The following TAFA4 variants were observed in gnomAD, a reference collection of about 807,000 sequenced individuals.
The protein encoded by TAFA4 is chemokine-like protein TAFA-4.
Under a neutral mutation model 21.1 loss-of-function variants are expected in TAFA4, and 20 were observed. The ratio of observed to expected loss-of-function variants is 0.95; its 90% CI spans 0.67 to 1.38. The LOEUF is 1.38. Ranked by LOEUF, TAFA4 falls within the 40% of genes most tolerant of loss-of-function variation. The pLI, the probability that TAFA4 is intolerant of heterozygous loss-of-function variation, is 0.00. For missense variants in TAFA4, 211 were observed against 180.9 expected (o/e 1.17, Z -0.95); for synonymous variants, 71 against 67.4 (o/e 1.05, Z -0.26).
intron 3 of TAFA4, among the ~76,000 whole-genome samples, chr3:68,875,133 T>A (rs2089531556): frequency 1.3e-5 from 2 of 151,944 alleles, no homozygotes; most frequent in Non-Finnish European, 2.9e-5. Context: ...GGGTGACAAC[T>A]CTCCTCAGCC....
intron 3 of TAFA4, among the ~76,000 whole-genome samples, chr3:68,796,889 C>G (rs1332460315): frequency 6.6e-6 from 1 of 152,164 alleles, no homozygotes; most frequent in Non-Finnish European, 1.5e-5. Context: ...AGATGCTCAA[C>G]ATCACTAATC....
intron 1 of TAFA4, among the ~76,000 whole-genome samples, chr3:68,927,323 A>G (rs2090117502): frequency 6.6e-6 from 1 of 152,236 alleles, no homozygotes; most frequent in Non-Finnish European, 1.5e-5. Flanking sequence ...CAAGAAATAA[A>G]ACTACTAATT....
intron 3 of TAFA4, among the ~76,000 whole-genome samples, chr3:68,797,318 A>G (rs1290661062): frequency 1.3e-5 from 2 of 152,146 alleles, no homozygotes; most frequent in African/African-American, 4.8e-5. Flanking sequence ...ATTCAGGCTT[A>G]AAAAGGAAGA....
At chr3:68,737,745 T>C (rs902286204) in intron 5 of TAFA4, among the ~76,000 whole-genome samples, 1 of 152,198 alleles carries the variant, frequency 6.6e-6, no homozygotes, top group African/African-American at 2.4e-5. Flanking sequence ...TGGCTGAAGA[T>C]GAATTACTAA....
At chr3:68,811,916 G>T (rs1379657633) in intron 3 of TAFA4, among the ~76,000 whole-genome samples, 1 of 152,116 alleles carries the variant, frequency 6.6e-6, no homozygotes, top group Non-Finnish European at 1.5e-5. Context: ...GTTAAGGGCA[G>T]CCAGAGAGAA....
At chr3:68,865,193 C>T (rs1051557607) in intron 3 of TAFA4, among the ~76,000 whole-genome samples, 2 of 152,098 alleles carry the variant, frequency 1.3e-5, no homozygotes, top group African/African-American at 4.8e-5. Context: ...TGGCTTCATT[C>T]TACTCCACAA....
chr3:68,804,835 A>C lies in TAFA4; in HGVS notation c.131-51817T>G, dbSNP rs537284789. On this transcript the variant is annotated intron_variant, in intron 3 of 5. Transcript: ENST00000295569. ...GATTAAAGACTTACATGTTAGACCT[A>C]AAACCATAAAAACCCTGGAAGAAAA... 1.2e-3 allele frequency among the ~76,000 whole-genome samples: 185 copies of C among 152,340 alleles called. 2 individuals are homozygous for C. The highest frequency in any genetic ancestry group is 4.4e-3 in the African/African-American group (183 of 41,572).
intron 3 of TAFA4, among the ~76,000 whole-genome samples, chr3:68,754,283 T>C (rs1056390219): frequency 1.3e-5 from 2 of 152,234 alleles, no homozygotes. Context: ...ATAGCTATTT[T>C]CCCCCTGATC....
chr3:68,792,814 A>G (rs1703387467), intron 3 of TAFA4, among the ~76,000 whole-genome samples: 1 of 152,222 alleles, frequency 6.6e-6, no homozygotes, highest in Non-Finnish European at 1.5e-5. Flanking sequence ...TTCTGAAGAT[A>G]GAAACAACTT....
rs1031553695 is a variant in TAFA4 at position 68,832,600 on chromosome 3, C to T, written c.130+48130G>A. 2.6e-5 allele frequency among the ~76,000 whole-genome samples: 4 copies of T among 152,176 alleles called. No individual in the cohort carries two copies. In the South Asian group the frequency reaches 8.3e-4, roughly 32 times the overall value. On this transcript the variant is annotated intron_variant, in intron 3 of 5. Transcript: ENST00000295569. ...CCCACCTGTATGAGGATCTGTCAGCCCCTATTGGGAGGTGTCTCCCAGTCA... is the reference window on the plus strand; with the variant it reads ...CCCACCTGTATGAGGATCTGTCAGCTCCTATTGGGAGGTGTCTCCCAGTCA...
At chr3:68,871,943 A>G (rs2089487547) in intron 3 of TAFA4, among the ~76,000 whole-genome samples, 1 of 152,124 alleles carries the variant, frequency 6.6e-6, no homozygotes, top group African/African-American at 2.4e-5. Context: ...ACACTCATAC[A>G]TCATTGGGGG....
chr3:68,818,111 A>G (rs1194308795), intron 3 of TAFA4, among the ~76,000 whole-genome samples: 1 of 152,278 alleles, frequency 6.6e-6, no homozygotes, highest in Non-Finnish European at 1.5e-5. Flanking sequence ...TCTTAGCTAG[A>G]TCTTCTGGAT....
At chr3:68,901,006 CT>C (rs1559557983) in intron 1 of TAFA4, among the ~76,000 whole-genome samples, 1 of 152,212 alleles carries the variant, frequency 6.6e-6, no homozygotes, top group Non-Finnish European at 1.5e-5. Context: ...GCCAAGGGAA[CT>C]TTCCTCTTCC....
At chr3:68,859,810 G>T (rs2089307457) in intron 3 of TAFA4, among the ~76,000 whole-genome samples, 1 of 152,074 alleles carries the variant, frequency 6.6e-6, no homozygotes, top group African/African-American at 2.4e-5. Flanking sequence ...CACAAATAAT[G>T]AATATCCACC....
chr3:68,736,207 G>A (rs1461213368), intron 5 of TAFA4, among the ~76,000 whole-genome samples: 1 of 151,740 alleles, frequency 6.6e-6, no homozygotes, highest in Non-Finnish European at 1.5e-5. Flanking sequence ...GGCAACCCCA[G>A]ATAGTAAAAA....
At chr3:68,791,352 A>C (rs1703357696) in intron 3 of TAFA4, among the ~76,000 whole-genome samples, 1 of 152,136 alleles carries the variant, frequency 6.6e-6, no homozygotes. Flanking sequence ...ATGACAATGG[A>C]GGCCGAGATT....
intron 4 of TAFA4, among the ~76,000 whole-genome samples, chr3:68,739,505 A>T (rs1263459546): frequency 6.6e-6 from 1 of 152,220 alleles, no homozygotes; most frequent in Non-Finnish European, 1.5e-5. Flanking sequence ...AGAACTAAAA[A>T]TCAACCACTG....
At chr3:68,898,198 G>T (rs886935308) in intron 1 of TAFA4, among the ~76,000 whole-genome samples, 2 of 152,186 alleles carry the variant, frequency 1.3e-5, no homozygotes, top group African/African-American at 4.8e-5. Context: ...TTCAGAACCA[G>T]TCGCTTCATC....
At chr3:68,858,620 C>T (rs913569035) in intron 3 of TAFA4, among the ~76,000 whole-genome samples, 4 of 142,154 alleles carry the variant, frequency 2.8e-5, no homozygotes, top group African/African-American at 5.2e-5. Flanking sequence ...GTCTTTAAGG[C>T]GTATGCATTC....
Sources: allele counts gnomAD v4.1 joint callset (sites outside exome capture counted in the v4.1 genomes callset), GRCh38; gene constraint gnomAD v4.1.1; transcripts MANE v1.5; gene names NCBI Gene and HGNC (gene_info 2026-07-23, HGNC 2026-07-21).